Variants in CCDC7 observed in about 807,000 individuals in gnomAD.
CCDC7 encodes coiled-coil domain containing 7, also known as coiled-coil domain-containing protein 7.
CCDC7 carries 183 observed loss-of-function variants against 196.9 expected under a neutral mutation model. The ratio of observed to expected loss-of-function variants is 0.93; its 90% CI spans 0.82 to 1.05. The LOEUF is 1.05. CCDC7 is among the 50% of genes least tolerant of loss of function. The probability of loss-of-function intolerance (pLI) is 0.00; values close to 1 mark genes in which losing one functional copy is unlikely to be tolerated. For synonymous variants in CCDC7, 525 were observed against 484.6 expected (o/e 1.08, Z -1.10); for missense variants, 1,540 against 1,482.2 (o/e 1.04, Z -0.64).
At chr10:32,640,900 G>A (rs1420263005) in intron 20 of CCDC7, among the ~76,000 whole-genome samples, 1 of 89,832 alleles carries the variant, frequency 1.1e-5, no homozygotes, top group Non-Finnish European at 2.2e-5. Context: ...TATACTCTAA[G>A]TTTTAGGGTA....
chr10:32,665,820 C>T (rs2072549540), intron 21 of CCDC7, among the ~76,000 whole-genome samples: 1 of 151,908 alleles, frequency 6.6e-6, no homozygotes, highest in Admixed American at 6.6e-5. Flanking sequence ...TTAATTCTTC[C>T]AATCCAGGAA....
At chr10:32,726,928 T>C (rs930154731) in intron 26 of CCDC7, 96 bp downstream of exon 27, 6 of 704,052 alleles carry the variant, frequency 8.5e-6, no homozygotes, top group Admixed American at 3.3e-5. Flanking sequence ...TTTTAGCATG[T>C]ATTTTATGGA....
chr10:32,681,736 T>TACACACACACAC (rs1491330656), intron 21 of CCDC7, among the ~76,000 whole-genome samples: 2 of 100,182 alleles, frequency 2.0e-5, no homozygotes, highest in African/African-American at 1.2e-4. Flanking sequence ...TATTTATATG[T>TACACACACACAC]ATACACACAC....
chr10:32,591,519 T>A (rs1417644057), intron 18 of CCDC7, among the ~76,000 whole-genome samples: 1 of 151,128 alleles, frequency 6.6e-6, no homozygotes, highest in Non-Finnish European at 1.5e-5. Context: ...TTTGTTTGTT[T>A]GTGCAATCAG....
chr10:32,758,651 G>T (rs2076898159), intron 28 of CCDC7, among the ~76,000 whole-genome samples: 1 of 152,190 alleles, frequency 6.6e-6, no homozygotes, highest in South Asian at 2.1e-4. Context: ...TACTGAATGG[G>T]CAAAAACTGG....
At position 32,665,251 on chromosome 10, in the gene CCDC7, A is replaced by C. The variant is rs187617491; in HGVS notation, c.2122+1090A>C. Among the ~76,000 whole-genome samples, 6 of 152,162 alleles carry C rather than the reference A, an allele frequency of 3.9e-5. No individual in the cohort carries two copies. In the South Asian group the frequency reaches 1.2e-3, roughly 32 times the overall value. On this transcript the variant is annotated intron_variant, in intron 21 of 41. Transcript: ENST00000639629. The stretch of plus-strand genomic sequence containing the variant: ...TTATGATTTGGAAATACTTTCTCTC[A>C]TGCAATAGGCTATTTATTCCTACTG...
chr10:32,643,348 G>A (rs746794095), intron 20 of CCDC7, among the ~76,000 whole-genome samples: 3 of 152,038 alleles, frequency 2.0e-5, no homozygotes, highest in Non-Finnish European at 4.4e-5. Flanking sequence ...TATGTGTGGT[G>A]TATCTCTTTT....
rs1491498689 is a variant in CCDC7 at position 32,828,438 on chromosome 10, GGA to G, written c.3268+3837_3268+3838del. 1.2e-4 allele frequency among the ~76,000 whole-genome samples: 7 copies of G among 60,490 alleles called. 1 individual carries two copies. The highest frequency in any genetic ancestry group is 2.0e-4 in the African/African-American group (5 of 25,486). 39.7% of individuals were successfully genotyped at this position (60,490 alleles called of 152,430 possible). ...AAGGAGAAGAAGAAGAAGGAAGGAAGGAGAAGAAGAAGAAGAAGAAGAAGAAG... is the reference window on the plus strand; with the variant it reads ...AAGGAGAAGAAGAAGAAGGAAGGAAGGAAGAAGAAGAAGAAGAAGAAGAAG... On this transcript the variant is annotated intron_variant, in intron 32 of 41. Coordinates refer to ENST00000639629, the Ensembl canonical transcript of CCDC7.
Position 32,668,208 on chromosome 10 carries a change from CA to C in CCDC7, c.2122+4048del, listed in dbSNP as rs1239058020. Among the ~76,000 whole-genome samples the C allele has an allele frequency of 3.3e-5, 5 of 152,098 alleles. No homozygotes were observed. The East Asian group carries it at 9.6e-4, about 29-fold the overall frequency. ...TGTATAAGAATGCTTGTGATTTTTG[CA>C]CATTGATTTTGTATCCTGAGACTTT... On this transcript the variant is annotated intron_variant, in intron 21 of 41. Transcript: ENST00000639629.
At chr10:32,641,432 A>T (rs921919411) in intron 20 of CCDC7, among the ~76,000 whole-genome samples, 2 of 152,152 alleles carry the variant, frequency 1.3e-5, no homozygotes, top group Non-Finnish European at 2.9e-5. Flanking sequence ...CCTTTCTTCT[A>T]GTTGATCGAA....
chr10:32,855,208 T>G (rs1258324322), intron 41 of CCDC7, among the ~76,000 whole-genome samples: 1 of 152,026 alleles, frequency 6.6e-6, no homozygotes, highest in Non-Finnish European at 1.5e-5. Flanking sequence ...ATGTAAGTTT[T>G]TTTTTTTTTT....
Position 32,861,115 on chromosome 10 carries a change from CAAAAAAAAAA to C in CCDC7, c.4111+6636_4111+6645del, listed in dbSNP as rs142801821. Among the ~76,000 whole-genome samples, 23 of 97,126 alleles carry C rather than the reference CAAAAAAAAAA, an allele frequency of 2.4e-4. 1 individual carries two copies. The Admixed American group carries it at 2.8e-3, about 12-fold the overall frequency. The allele number at this position is 97,126 out of a possible 152,430, so 63.7% of individuals were successfully genotyped here. A position where few individuals can be genotyped will look rare whatever the true frequency, so the allele number is the denominator to read the frequency against. The stretch of plus-strand genomic sequence containing the variant: ...CCTGCATAGCCAAGACAATCATAAG[CAAAAAAAAAA>C]AAAAAAAAAGAAAGCTGAAGGCATC... On this transcript the variant is annotated intron_variant, in intron 41 of 41. Coordinates refer to ENST00000639629, the Ensembl canonical transcript of CCDC7.
rs1362340627 is a variant in CCDC7, at chr10:32,677,143, C to G, written c.2123-8827C>G. 5.7e-5 allele frequency among the ~76,000 whole-genome samples: 8 copies of G among 140,658 alleles called. No individual in the cohort carries two copies. In the East Asian group the frequency reaches 1.5e-3, roughly 26 times the overall value. 92.3% of individuals were successfully genotyped at this position (140,658 alleles called of 152,430 possible). A position where few individuals can be genotyped will look rare whatever the true frequency, so the allele number is the denominator to read the frequency against. The stretch of plus-strand genomic sequence containing the variant: ...AAAAACCAAACACCGCATGTTCTCA[C>G]TCATAGGTGGGAATTGAACAATGAG... On this transcript the variant is annotated intron_variant, in intron 21 of 41. Coordinates refer to ENST00000639629, the Ensembl canonical transcript of CCDC7.
At chr10:32,504,196 C>T (rs2044519921) in intron 9 of CCDC7, among the ~76,000 whole-genome samples, 1 of 142,272 alleles carries the variant, frequency 7.0e-6, no homozygotes, top group Non-Finnish European at 1.5e-5. Context: ...TGGCTCACTG[C>T]AAGCTCTGCC....
At chr10:32,499,118 A>G (rs1186070780) in intron 9 of CCDC7, 2 of 150,068 alleles carry the variant, frequency 1.3e-5, no homozygotes, top group Non-Finnish European at 3.0e-5. Context: ...AGGAAAAAAA[A>G]GCCTATTTAA....
chr10:32,856,727 G>A (rs1000102086), intron 41 of CCDC7, among the ~76,000 whole-genome samples: 1 of 152,096 alleles, frequency 6.6e-6, no homozygotes, highest in Non-Finnish European at 1.5e-5. Context: ...AGCCTGAATT[G>A]CAATTGTACC....
intron 31 of CCDC7, among the ~76,000 whole-genome samples, chr10:32,818,365 T>G (rs1296345650): frequency 6.6e-6 from 1 of 151,440 alleles, no homozygotes; most frequent in East Asian, 1.9e-4. Flanking sequence ...AGAAAGAGAC[T>G]TAGACTCCCA....
At chr10:32,740,879 T>C (rs557528173) in intron 28 of CCDC7, among the ~76,000 whole-genome samples, 1 of 152,120 alleles carries the variant, frequency 6.6e-6, no homozygotes, top group African/African-American at 2.4e-5. Context: ...TCTTTCTTAA[T>C]TATAATGCTT....
At chr10:32,879,396 T>G (rs1193820231), downstream of CCDC7, among the ~76,000 whole-genome samples, 1 of 152,040 alleles carries the variant, frequency 6.6e-6, no homozygotes, top group African/African-American at 2.4e-5. Flanking sequence ...AAAACAGCAT[T>G]TGCTTTCTTC....
Sources: allele counts gnomAD v4.1 joint callset (sites outside exome capture counted in the v4.1 genomes callset), GRCh38; gene constraint gnomAD v4.1.1; transcripts MANE v1.5; gene names NCBI Gene and HGNC (gene_info 2026-07-23, HGNC 2026-07-21).